GALNTL6: variants seen among roughly 807,000 people sequenced by gnomAD.
GALNTL6 encodes the protein polypeptide N-acetylgalactosaminyltransferase-like 6.
GALNTL6 carries 46 observed loss-of-function variants against 73.7 expected under a neutral mutation model. That is an observed-to-expected ratio of 0.62 (90% confidence interval 0.49 to 0.80). GALNTL6 has a LOEUF of 0.80. Ranked by LOEUF, GALNTL6 falls within the 30% of genes least tolerant of loss-of-function variation. The pLI is 0.00. For synonymous variants in GALNTL6, 259 were observed against 263.7 expected (o/e 0.98, Z 0.17); for missense variants, 604 against 755.0 (o/e 0.80, Z 2.34).
intron 2 of GALNTL6, among the ~76,000 whole-genome samples, chr4:171,865,029 C>T (rs1197075019): frequency 6.6e-6 from 1 of 151,800 alleles, no homozygotes; most frequent in African/African-American, 2.4e-5. Context: ...ACCTCTAATC[C>T]CAGCTACTCA....
chr4:172,830,929 G>A (rs142654948), intron 7 of GALNTL6, among the ~76,000 whole-genome samples: 4 of 152,220 alleles, frequency 2.6e-5, no homozygotes, highest in Non-Finnish European at 5.9e-5. Flanking sequence ...AGAGGCTGAG[G>A]CAGGTAGATC....
intron 2 of GALNTL6, among the ~76,000 whole-genome samples, chr4:171,886,717 T>C (rs1736619046): frequency 6.6e-6 from 1 of 152,194 alleles, no homozygotes; most frequent in Non-Finnish European, 1.5e-5. Context: ...AAGTTTGTGA[T>C]GGTTTATTGG....
At chr4:172,215,561 T>A (rs1736469379) in intron 2 of GALNTL6, among the ~76,000 whole-genome samples, 1 of 152,152 alleles carries the variant, frequency 6.6e-6, no homozygotes, top group South Asian at 2.1e-4. Context: ...AGTGTTACCA[T>A]GGAGTACCTT....
intron 10 of GALNTL6, among the ~76,000 whole-genome samples, chr4:172,987,151 A>G (rs527534347): frequency 6.6e-6 from 1 of 152,330 alleles, no homozygotes; most frequent in South Asian, 2.1e-4. Context: ...GTATTAGTCC[A>G]TTCTCACACT....
chr4:172,602,025 G>GA (rs1560829994), intron 5 of GALNTL6, among the ~76,000 whole-genome samples: 2 of 151,746 alleles, frequency 1.3e-5, no homozygotes, highest in East Asian at 1.9e-4. Context: ...GACGTCATCA[G>GA]AAAAAACCAA....
chr4:172,836,945 T>G (rs1742939972), intron 7 of GALNTL6, among the ~76,000 whole-genome samples: 1 of 152,220 alleles, frequency 6.6e-6, no homozygotes, highest in South Asian at 2.1e-4. Context: ...GCATCAATTA[T>G]CAAATCATGT....
chr4:172,966,882 C>CTGTG (rs202201585), intron 10 of GALNTL6, among the ~76,000 whole-genome samples: 2,781 of 152,326 alleles, frequency 0.018, 83 homozygotes, highest in African/African-American at 0.062. Context: ...AGTGTGGTGA[C>CTGTG]TGTGCCGCTA....
intron 5 of GALNTL6, among the ~76,000 whole-genome samples, chr4:172,714,434 T>C (rs1540468): frequency 0.15 from 22,129 of 152,064 alleles, 1,878 homozygotes; most frequent in East Asian, 0.25. Context: ...ATAAGAATCA[T>C]AATGATCGTA....
chr4:172,302,037 G>A (rs1036476839), intron 3 of GALNTL6, among the ~76,000 whole-genome samples: 12 of 152,170 alleles, frequency 7.9e-5, no homozygotes, highest in East Asian at 5.8e-4. Context: ...ATTCCCAGCC[G>A]CTTTGTTTAC....
intron 2 of GALNTL6, among the ~76,000 whole-genome samples, chr4:171,944,693 A>C (rs1578994755): frequency 6.6e-6 from 1 of 152,104 alleles, no homozygotes; most frequent in South Asian, 2.1e-4. Context: ...GGGTGTGAGA[A>C]GGAAAATGAG....
At chr4:172,319,884 G>GA (rs1740694830) in intron 4 of GALNTL6, among the ~76,000 whole-genome samples, 1 of 152,122 alleles carries the variant, frequency 6.6e-6, no homozygotes, top group Non-Finnish European at 1.5e-5. Flanking sequence ...GGCAATTTAT[G>GA]AAAATTTGGT....
At position 172,809,454 on chromosome 4, in the gene GALNTL6, G is replaced by T; in HGVS notation, c.647G>T (p.Arg216Leu). 1 of 1,613,782 alleles carries T rather than the reference G, an allele frequency of 6.2e-7. No homozygotes were observed. The highest frequency in any genetic ancestry group is 8.5e-7 in the Non-Finnish European group (1 of 1,179,808). Residue 216 changes from arginine to leucine, a missense_variant, in exon 6 of 13, where the codon CGT (arginine) becomes CTT (leucine). Transcript: ENST00000506823. This position sits in a 1 kb window ranked among gnomAD's most constrained non-coding sequence, Gnocchi z 4.4. ...AAAAGAGAAGGACTCATCCGGACCC[G>T]TCTCCTGGGGGCATCTATGGCCAGA... The part of the protein sequence containing the change: ...TKKREGLIRT[R>L]LLGASMARGE...
chr4:171,936,974 C>G (rs1008987773), intron 2 of GALNTL6, among the ~76,000 whole-genome samples: 1 of 152,092 alleles, frequency 6.6e-6, no homozygotes, highest in African/African-American at 2.4e-5. Context: ...ATGAAACCTT[C>G]CAGCTGAACC....
intron 5 of GALNTL6, among the ~76,000 whole-genome samples, chr4:172,414,541 C>T (rs1274263616): frequency 6.6e-6 from 1 of 152,094 alleles, no homozygotes; most frequent in Non-Finnish European, 1.5e-5. Flanking sequence ...TTCATTCACA[C>T]GATGATCTGT....
intron 5 of GALNTL6, among the ~76,000 whole-genome samples, chr4:172,372,960 C>A (rs552035356): frequency 1.0e-3 from 152 of 151,932 alleles, no homozygotes; most frequent in African/African-American, 3.4e-3. Context: ...ATTTCACCTG[C>A]TGCAGGCAAA....
intron 2 of GALNTL6, among the ~76,000 whole-genome samples, chr4:171,950,870 A>G (rs1192672272): frequency 6.6e-6 from 1 of 152,168 alleles, no homozygotes; most frequent in East Asian, 1.9e-4. Context: ...CGCACATTAA[A>G]TTATGGAATG....
At chr4:172,913,570 A>G (rs1258918073) in intron 8 of GALNTL6, among the ~76,000 whole-genome samples, 1 of 152,224 alleles carries the variant, frequency 6.6e-6, no homozygotes, top group Non-Finnish European at 1.5e-5. Flanking sequence ...GCTGAAAACC[A>G]TGGCACGAGA....
At chr4:172,239,020 T>C (rs889611501) in intron 3 of GALNTL6, among the ~76,000 whole-genome samples, 5 of 152,124 alleles carry the variant, frequency 3.3e-5, no homozygotes, top group African/African-American at 1.2e-4. Flanking sequence ...TTATTAAGGA[T>C]TTTTGCATCT....
chr4:172,959,354 T>C (rs1016007920), intron 10 of GALNTL6, among the ~76,000 whole-genome samples: 7 of 151,998 alleles, frequency 4.6e-5, no homozygotes, highest in South Asian at 2.1e-4. Flanking sequence ...ATAAGGGAGC[T>C]GGGCAGGTGG....
Sources: allele counts gnomAD v4.1 joint callset (sites outside exome capture counted in the v4.1 genomes callset), GRCh38; gene constraint gnomAD v4.1.1; non-coding constraint Gnocchi (gnomAD v3.1); transcripts MANE v1.5; gene names NCBI Gene and HGNC (gene_info 2026-07-23, HGNC 2026-07-21).